The following UBE2E3 variants were observed in gnomAD, a reference collection of about 807,000 sequenced individuals.
UBE2E3 encodes the protein ubiquitin conjugating enzyme E2 E3, also known as ubiquitin-conjugating enzyme E2 E3.
In UBE2E3, 5 loss-of-function variants were observed where a neutral mutation model predicts 23.6. The ratio of observed to expected loss-of-function variants is 0.21; its 90% CI spans 0.11 to 0.44. The LOEUF is 0.44. UBE2E3 is among the 20% of genes least tolerant of loss of function. The pLI is 0.99. For synonymous variants in UBE2E3, 78 were observed against 87.5 expected (o/e 0.89, Z 0.60); for missense variants, 81 against 249.8 (o/e 0.32, Z 4.55).
At chr2:181,026,594 A>T (rs1403201836) in intron 3 of UBE2E3, among the ~76,000 whole-genome samples, 1 of 151,600 alleles carries the variant, frequency 6.6e-6, no homozygotes, top group Non-Finnish European at 1.5e-5. Context: ...TGAAAGCTGT[A>T]TATAATGGGG....
intron 1 of UBE2E3, among the ~76,000 whole-genome samples, 152 bp from the exon 2 acceptor site, chr2:180,981,865 CT>C: frequency 6.7e-6 from 1 of 149,038 alleles, no homozygotes; most frequent in African/African-American, 2.5e-5. Context: ...CATCACCTCC[CT>C]TGTACGTACC....
chr2:181,033,819 C>G (rs1219493327), intron 3 of UBE2E3, among the ~76,000 whole-genome samples: 2 of 151,964 alleles, frequency 1.3e-5, no homozygotes, highest in African/African-American at 2.4e-5. Context: ...ACAAAGAACT[C>G]AAACAAATTT....
intron 3 of UBE2E3, among the ~76,000 whole-genome samples, chr2:180,992,336 T>C (rs935911293): frequency 6.6e-6 from 1 of 152,232 alleles, no homozygotes; most frequent in African/African-American, 2.4e-5. Context: ...AACACAAGTA[T>C]TAAGTAATAC....
intron 3 of UBE2E3, among the ~76,000 whole-genome samples, chr2:181,008,895 T>C (rs1685231106): frequency 7.2e-6 from 1 of 138,118 alleles, no homozygotes; most frequent in Non-Finnish European, 1.6e-5. Flanking sequence ...AAGTCAGTCT[T>C]GCAGTATGTG....
chr2:181,007,141 C>G (rs772016951), intron 3 of UBE2E3, among the ~76,000 whole-genome samples: 11 of 152,028 alleles, frequency 7.2e-5, no homozygotes, highest in Non-Finnish European at 5.9e-5. Flanking sequence ...TCTGTGGTGA[C>G]TTTATTAGTG....
At chr2:181,027,593 T>C (rs1685937486) in intron 3 of UBE2E3, among the ~76,000 whole-genome samples, 1 of 151,970 alleles carries the variant, frequency 6.6e-6, no homozygotes. Context: ...TTGTGTGCTT[T>C]TTTTAAATTT....
intron 3 of UBE2E3, among the ~76,000 whole-genome samples, chr2:181,036,777 T>G (rs1301953425): frequency 6.6e-6 from 1 of 152,232 alleles, no homozygotes; most frequent in African/African-American, 2.4e-5. Context: ...CTCACATTTA[T>G]TTCAATGCTT....
intron 3 of UBE2E3, among the ~76,000 whole-genome samples, chr2:181,016,676 A>T (rs114721991): frequency 6.6e-6 from 1 of 152,340 alleles, no homozygotes; most frequent in African/African-American, 2.4e-5. Flanking sequence ...AGTTTTGTAC[A>T]GCTTTAACAA....
intron 3 of UBE2E3, among the ~76,000 whole-genome samples, chr2:181,026,906 A>G (rs912611043): frequency 6.6e-6 from 1 of 151,970 alleles, no homozygotes; most frequent in Non-Finnish European, 1.5e-5. Flanking sequence ...TGGTTATTAT[A>G]AATATATGAT....
chr2:180,997,386 GTTTC>G (rs1461667472), intron 3 of UBE2E3, among the ~76,000 whole-genome samples: 1 of 151,316 alleles, frequency 6.6e-6, no homozygotes, highest in African/African-American at 2.4e-5. Context: ...GACTTATTCT[GTTTC>G]TTTTTTGTTT....
chr2:180,995,956 A>T (rs1176930167), intron 3 of UBE2E3, among the ~76,000 whole-genome samples: 1 of 151,878 alleles, frequency 6.6e-6, no homozygotes, highest in Non-Finnish European at 1.5e-5. Context: ...TATGTGCTTA[A>T]TTTTTTTGTC....
chr2:181,057,628 GT>G, intron 3 of UBE2E3, 64 bp from the exon 4 acceptor site: 2 of 1,378,250 alleles, frequency 1.5e-6, no homozygotes, highest in Admixed American at 1.9e-5. Context: ...CACTTCCCTG[GT>G]TTTAGGATAT....
chr2:181,034,460 A>G (rs969173411), intron 3 of UBE2E3, among the ~76,000 whole-genome samples: 1 of 152,198 alleles, frequency 6.6e-6, no homozygotes, highest in African/African-American at 2.4e-5. Context: ...TCTCACTCAT[A>G]GGTGGGAATT....
intron 3 of UBE2E3, among the ~76,000 whole-genome samples, chr2:181,023,862 CG>C (rs1685786521): frequency 6.6e-6 from 1 of 152,126 alleles, no homozygotes. Flanking sequence ...GTGCCCTCCA[CG>C]TAAGTTCGTG....
At chr2:181,017,993 T>C (rs895513674) in intron 3 of UBE2E3, among the ~76,000 whole-genome samples, 5 of 151,866 alleles carry the variant, frequency 3.3e-5, no homozygotes, top group African/African-American at 1.2e-4. Flanking sequence ...GTGCCTTTAC[T>C]TTCTGCTTTC....
At position 180,995,150 on chromosome 2, in the gene UBE2E3, C is replaced by T. The variant is rs532023674; in HGVS notation, c.245+11057C>T. Among the ~76,000 whole-genome samples, 15 of 152,114 alleles carry T rather than the reference C, an allele frequency of 9.9e-5. No individual in the cohort carries two copies. In the South Asian group the frequency reaches 2.7e-3, roughly 27 times the overall value. ...GTAAAAAGTGATTTCTCCTGGTTCT[C>T]GTGTGTATTTTACTGTGTTTCGTGC... On this transcript the variant is annotated intron_variant, in intron 3 of 5. Coordinates refer to ENST00000410062, the MANE Select transcript of UBE2E3 (RefSeq NM_006357.4).
intron 3 of UBE2E3, among the ~76,000 whole-genome samples, chr2:180,991,981 G>A (rs1372123973): frequency 3.3e-5 from 5 of 152,172 alleles, no homozygotes; most frequent in Admixed American, 1.3e-4. Flanking sequence ...GCACAGATAG[G>A]TAGGGACTGC....
chr2:181,039,158 G>T (rs1428560744), intron 3 of UBE2E3, among the ~76,000 whole-genome samples: 11 of 131,618 alleles, frequency 8.4e-5, no homozygotes, highest in African/African-American at 1.2e-4. Context: ...TGGAAATAGG[G>T]TCATTGCAGT....
chr2:181,015,556 G>A (rs1478167635), intron 3 of UBE2E3, among the ~76,000 whole-genome samples: 1 of 152,096 alleles, frequency 6.6e-6, no homozygotes, highest in Non-Finnish European at 1.5e-5. Context: ...AAAAGACAGT[G>A]TCAGAATTCT....
Sources: allele counts gnomAD v4.1 joint callset (sites outside exome capture counted in the v4.1 genomes callset), GRCh38; gene constraint gnomAD v4.1.1; transcripts MANE v1.5; gene names NCBI Gene and HGNC (gene_info 2026-07-23, HGNC 2026-07-21).